The following MAML3 variants were observed in gnomAD, a reference collection of about 807,000 sequenced individuals.
MAML3 encodes the protein mastermind like transcriptional coactivator 3, also known as mastermind-like protein 3.
A neutral mutation model predicts 101.9 loss-of-function variants in MAML3; 27 were observed. That is an observed-to-expected ratio of 0.27 (90% CI 0.20 to 0.37). The LOEUF is 0.37. Ranked by LOEUF, MAML3 falls within the 10% of genes least tolerant of loss-of-function variation. MAML3 has a pLI of 1.00. For missense variants in MAML3, 1,316 were observed against 1,444.9 expected (o/e 0.91, Z 1.45); for synonymous variants, 501 against 555.9 (o/e 0.90, Z 1.39).
chr4:139,774,829 C>T (rs1253869941), intron 2 of MAML3, among the ~76,000 whole-genome samples: 2 of 152,196 alleles, frequency 1.3e-5, no homozygotes, highest in African/African-American at 4.8e-5. Context: ...ATTGAATCTC[C>T]ACACTGCAAA....
chr4:139,903,830 G>A (rs1732770807), intron 1 of MAML3, among the ~76,000 whole-genome samples: 1 of 152,164 alleles, frequency 6.6e-6, no homozygotes, highest in South Asian at 2.1e-4. Context: ...CCAAGATCAA[G>A]GCACTCACAA....
rs540091221 is a variant in MAML3 at position 139,951,970 on chromosome 4, C to T, written c.469-61003G>A. ...CTTGAGGTCAGGAGTTTGAGACCAG[C>T]CTGGCCGCCATGGTGAAACCCTGTC... On this transcript the variant is annotated intron_variant, in intron 1 of 4. Coordinates refer to ENST00000509479, the MANE Select transcript of MAML3 (RefSeq NM_018717.5). 5.0e-4 allele frequency among the ~76,000 whole-genome samples: 76 copies of T among 152,186 alleles called. No individual in the cohort carries two copies. In the Middle Eastern group the frequency reaches 0.014, roughly 27 times the overall value.
chr4:139,886,354 G>C (rs1444043323), intron 2 of MAML3, among the ~76,000 whole-genome samples: 1 of 152,070 alleles, frequency 6.6e-6, no homozygotes, highest in Non-Finnish European at 1.5e-5. Context: ...TATTTTCCCA[G>C]AGGGTAGAAT....
intron 1 of MAML3, among the ~76,000 whole-genome samples, chr4:140,144,603 CA>C: frequency 6.7e-6 from 1 of 150,352 alleles, no homozygotes; most frequent in Non-Finnish European, 1.5e-5. Context: ...ATTCACATGG[CA>C]GTAGTAATAA....
chr4:139,866,016 G>A (rs1047107090), intron 2 of MAML3, among the ~76,000 whole-genome samples: 29 of 152,230 alleles, frequency 1.9e-4, no homozygotes, highest in Non-Finnish European at 2.2e-4. Context: ...TGGAGGTATG[G>A]CCAGGAATGT....
chr4:139,847,212 A>AAAAC (rs746769473), intron 2 of MAML3, among the ~76,000 whole-genome samples: 1 of 152,192 alleles, frequency 6.6e-6, no homozygotes, highest in Non-Finnish European at 1.5e-5. Context: ...AAAACAAAAC[A>AAAAC]AAACAAACAA....
At chr4:140,141,556 G>A (rs1393630878) in intron 1 of MAML3, among the ~76,000 whole-genome samples, 1 of 152,154 alleles carries the variant, frequency 6.6e-6, no homozygotes, top group Non-Finnish European at 1.5e-5. Context: ...CAAAGCTCAG[G>A]AAAGGTAAAA....
chr4:139,948,171 A>T (rs1001183174), intron 1 of MAML3, among the ~76,000 whole-genome samples: 1 of 151,922 alleles, frequency 6.6e-6, no homozygotes, highest in African/African-American at 2.4e-5. Context: ...AAAAAGTCAA[A>T]CGTGGAAATA....
chr4:139,980,859 A>C (rs1434343770), intron 1 of MAML3, among the ~76,000 whole-genome samples: 3 of 152,240 alleles, frequency 2.0e-5, no homozygotes, highest in Non-Finnish European at 4.4e-5. Context: ...CCTCACTCAG[A>C]GAAGTAAAAT....
At chr4:139,901,812 T>C (rs1460993669) in intron 1 of MAML3, among the ~76,000 whole-genome samples, 3 of 152,230 alleles carry the variant, frequency 2.0e-5, no homozygotes, top group Non-Finnish European at 2.9e-5. Flanking sequence ...CTGAGTATTT[T>C]TCTCTCCCTT....
chr4:140,093,762 C>T (rs1728103508), intron 1 of MAML3, among the ~76,000 whole-genome samples: 1 of 152,120 alleles, frequency 6.6e-6, no homozygotes, highest in Non-Finnish European at 1.5e-5. Context: ...GTTTACTCTG[C>T]CTTCCTGGAT....
Position 140,153,399 on chromosome 4 carries a change from CAAGGATTAAAATAGTTT to C in MAML3, c.-89_-73del. ...CCCCTATCAGCCTCCTCCTTGGGTC[CAAGGATTAAAATAGTTT>C]AAGTGGAACGCGGGGGAGACGCAAG... On this transcript the variant is annotated 5_prime_UTR_variant, in exon 1 of 5. The change abolishes the stop of an existing upstream ORF in the 5' untranslated region. Transcript: ENST00000509479. 6.9e-7 allele frequency: 1 copy of C among 1,445,662 alleles called. No individual in the cohort carries two copies. The highest frequency in any genetic ancestry group is 9.1e-7 in the Non-Finnish European group (1 of 1,098,752). 89.6% of individuals were successfully genotyped at this position (1,445,662 alleles called of 1,614,324 possible).
chr4:139,904,357 G>A (rs1369424505), intron 1 of MAML3, among the ~76,000 whole-genome samples: 1 of 152,226 alleles, frequency 6.6e-6, no homozygotes, highest in Admixed American at 6.5e-5. Context: ...GCACAAATTT[G>A]CTCATGCTTA....
At chr4:139,957,247 C>T (rs532954329) in intron 1 of MAML3, among the ~76,000 whole-genome samples, 57 of 152,338 alleles carry the variant, frequency 3.7e-4, no homozygotes, top group Non-Finnish European at 7.1e-4. Flanking sequence ...GATATCTGTT[C>T]TAACATGATT....
intron 1 of MAML3, among the ~76,000 whole-genome samples, chr4:140,152,513 T>C (rs1211924517): frequency 6.6e-6 from 1 of 151,916 alleles, no homozygotes; most frequent in East Asian, 1.9e-4. Context: ...AGGTTTCAAC[T>C]CAGGGGTTCA....
chr4:140,120,700 C>T (rs1365330319), intron 1 of MAML3, among the ~76,000 whole-genome samples: 1 of 151,838 alleles, frequency 6.6e-6, no homozygotes, highest in Non-Finnish European at 1.5e-5. Context: ...TTTTTTTCCT[C>T]ATAGAGAAAC....
At chr4:139,867,078 A>C (rs1318410724) in intron 2 of MAML3, among the ~76,000 whole-genome samples, 1 of 152,254 alleles carries the variant, frequency 6.6e-6, no homozygotes, top group Non-Finnish European at 1.5e-5. Context: ...GTGCTAAATA[A>C]AGTCAGTTTT....
chr4:140,015,527 A>G (rs1244603341), intron 1 of MAML3, among the ~76,000 whole-genome samples: 1 of 152,256 alleles, frequency 6.6e-6, no homozygotes, highest in Non-Finnish European at 1.5e-5. Context: ...TCATTAAAAT[A>G]GTTATTGTTG....
At chr4:139,911,532 T>C (rs1473431709) in intron 1 of MAML3, among the ~76,000 whole-genome samples, 1 of 152,234 alleles carries the variant, frequency 6.6e-6, no homozygotes, top group East Asian at 1.9e-4. Context: ...ATTTCCTTTT[T>C]AAGGCGGAAA....
Sources: allele counts gnomAD v4.1 joint callset (sites outside exome capture counted in the v4.1 genomes callset), GRCh38; gene constraint gnomAD v4.1.1; transcripts MANE v1.5; gene names NCBI Gene and HGNC (gene_info 2026-07-23, HGNC 2026-07-21).